Variants in SYNE1 observed in about 807,000 individuals in gnomAD.
SYNE1 encodes nesprin-1.
Under a neutral mutation model 1,111.0 loss-of-function variants are expected in SYNE1, and 616 were observed. The ratio of observed to expected loss-of-function variants is 0.55; its 90% CI spans 0.52 to 0.59. The LOEUF is 0.59. Ranked by LOEUF, SYNE1 falls within the 20% of genes least tolerant of loss-of-function variation. The probability of loss-of-function intolerance (pLI) is 0.00; values close to 1 mark genes in which losing one functional copy is unlikely to be tolerated. For missense variants in SYNE1, 10,006 were observed against 10,417.0 expected, an observed-to-expected ratio of 0.96 and a Z score of 1.72; for synonymous variants, 3,855 against 3,825.8, an observed-to-expected ratio of 1.01 and a Z score of -0.28.
chr6:152,232,095 A>G (rs564557842), intron 113 of SYNE1, 21 bp downstream of exon 113: 2 of 1,541,178 alleles, frequency 1.3e-6, no homozygotes, highest in African/African-American at 2.7e-5. Context: ...TGAAAAGTTA[A>G]AAACAAAAAA....
At chr6:152,218,113 A>G in intron 121 of SYNE1, 144 bp downstream of exon 121, 2 of 935,908 alleles carry the variant, frequency 2.1e-6, no homozygotes, top group South Asian at 1.4e-5. Flanking sequence ...AATCGCTTGA[A>G]CCCGGAAAGC....
At chr6:152,535,477 C>T (rs2099230354) in intron 4 of SYNE1, among the ~76,000 whole-genome samples, 1 of 152,108 alleles carries the variant, frequency 6.6e-6, no homozygotes, top group African/African-American at 2.4e-5. Flanking sequence ...TAAAGGACTG[C>T]TCATTCTATA....
At chr6:152,329,652 C>T (rs2096195738) in intron 78 of SYNE1, 78 bp downstream of exon 78, 2 of 1,594,430 alleles carry the variant, frequency 1.3e-6, no homozygotes, top group South Asian at 2.2e-5. Flanking sequence ...GCAATTATAA[C>T]CAAGCAAACG....
intron 98 of SYNE1, chr6:152,277,882 T>C: frequency 1.5e-6 from 1 of 648,910 alleles, no homozygotes; most frequent in South Asian, 1.7e-5. Context: ...ACAGCTGTTG[T>C]TAGTAGTCCT....
At chr6:152,152,379 AACAC>A (rs2060588478) in intron 133 of SYNE1, among the ~76,000 whole-genome samples, 1 of 152,146 alleles carries the variant, frequency 6.6e-6, no homozygotes, top group African/African-American at 2.4e-5. Context: ...GTAATGAATA[AACAC>A]ACACGCATCC....
Position 152,436,006 on chromosome 6 carries a change from C to A in SYNE1, c.4245G>T (p.Leu1415=). The change falls in exon 33 of 146, where the codon CTG becomes CTT. Residue 1415 remains leucine, a synonymous_variant. Transcript: ENST00000367255. The part of the protein sequence containing the change: ...EIPLGPQNKQ[L]LQQQAKSIKE... ...TGATTGACTTGGCCTGCTGTTGAAG[C>A]AGCTGCTTATTTTGGGGCCCAAGCG... 1 of 1,614,130 alleles carries A rather than the reference C, an allele frequency of 6.2e-7. No individual in the cohort carries two copies. Among genetic ancestry groups the A allele is most frequent in the Non-Finnish European group, 8.5e-7 (1 of 1,180,018 alleles).
chr6:152,346,384 C>T (rs893412508), intron 73 of SYNE1, among the ~76,000 whole-genome samples: 3 of 151,862 alleles, frequency 2.0e-5, no homozygotes, highest in Non-Finnish European at 4.4e-5. Flanking sequence ...CCAGGCTGGT[C>T]TCAAGCTCCT....
intron 40 of SYNE1, among the ~76,000 whole-genome samples, chr6:152,417,361 G>A (rs1443216890): frequency 6.6e-6 from 1 of 152,164 alleles, no homozygotes; most frequent in Non-Finnish European, 1.5e-5. Flanking sequence ...ATCCAGGCGT[G>A]GTGGTGGGCG....
At position 152,526,065 on chromosome 6, in the gene SYNE1, C is replaced by T. The variant is rs747506496; in HGVS notation, c.225+15G>A. 1.9e-6 allele frequency: 3 copies of T among 1,612,128 alleles called. No homozygotes were observed. In the Admixed American group the frequency reaches 5.0e-5, roughly 27 times the overall value. On this transcript the variant is annotated intron_variant, in intron 5 of 145. Coordinates refer to ENST00000367255, the MANE Select transcript of SYNE1 (RefSeq NM_182961.4). ...AAACAATTTGACAAGTATGATCACA[C>T]AAAAAAATTCTTACCAGTTTCTGCC... is the stretch of plus-strand genomic sequence containing the variant.
intron 13 of SYNE1, among the ~76,000 whole-genome samples, chr6:152,483,627 C>T (rs541831511): frequency 1.3e-5 from 2 of 152,208 alleles, no homozygotes; most frequent in Non-Finnish European, 2.9e-5. Context: ...ACACCTGGCA[C>T]ATGTGTATCT....
intron 32 of SYNE1, among the ~76,000 whole-genome samples, chr6:152,438,056 G>A (rs1019805739): frequency 2.2e-4 from 34 of 152,096 alleles, no homozygotes; most frequent in African/African-American, 7.7e-4. Context: ...AGAGAACTAC[G>A]TTGCAATTTA....
rs202081505 is a variant in SYNE1, at chr6:152,425,502, G to A, written c.5146C>T (p.Leu1716Phe). Residue 1716 changes from leucine (L) to phenylalanine (F), a missense_variant, in exon 39 of 146, where the codon CTT becomes TTT. By Grantham distance (22) the Leu-to-Phe change is conservative. Transcript: ENST00000367255. ...AACAATGATTCCTTCAATTGCAAAAGTTTGCTATAGAATGAGGCCTGGGAT... is the reference window on the plus strand; with the variant it reads ...AACAATGATTCCTTCAATTGCAAAAATTTGCTATAGAATGAGGCCTGGGAT... ...VVSQASFYSKLLQLKESLFSV... is the reference protein window; with the variant it reads ...VVSQASFYSKFLQLKESLFSV... 6 of 1,614,144 alleles carry A rather than the reference G, an allele frequency of 3.7e-6. No individual in the cohort carries two copies. In the South Asian group the frequency reaches 6.6e-5, roughly 18 times the overall value.
At chr6:152,205,448 C>G (rs537341277) in intron 126 of SYNE1, among the ~76,000 whole-genome samples, 58 of 152,286 alleles carry the variant, frequency 3.8e-4, no homozygotes, top group African/African-American at 1.1e-3. Context: ...CCCACTCTAC[C>G]GATGAGGAAA....
chr6:152,430,032 G>A (rs1201544154), intron 36 of SYNE1, 80 bp downstream of exon 36: 3 of 985,402 alleles, frequency 3.0e-6, no homozygotes, highest in African/African-American at 3.2e-5. Flanking sequence ...CTCTTAAAAA[G>A]TTTACTGTAT....
At chr6:152,224,749 A>G (rs2153479176) in intron 116 of SYNE1, 85 bp from the exon 117 acceptor site, 1 of 1,358,032 alleles carries the variant, frequency 7.4e-7, no homozygotes, top group East Asian at 2.4e-5. Context: ...AAATATTAAC[A>G]TCTAAGAACT....
chr6:152,300,252 G>T (rs1305243362), intron 93 of SYNE1, among the ~76,000 whole-genome samples: 4 of 152,160 alleles, frequency 2.6e-5, no homozygotes, highest in Admixed American at 6.5e-5. Context: ...GCTGGTAAAT[G>T]CCAGCACTAT....
chr6:152,296,898 T>G, intron 93 of SYNE1, among the ~76,000 whole-genome samples: 1 of 151,346 alleles, frequency 6.6e-6, no homozygotes, highest in Admixed American at 6.6e-5. Flanking sequence ...CCTGGCCTGT[T>G]TCTCTCATTT....
chr6:152,225,403 G>A (rs1172724158), intron 116 of SYNE1, among the ~76,000 whole-genome samples: 1 of 151,788 alleles, frequency 6.6e-6, no homozygotes, highest in East Asian at 1.9e-4. Context: ...GTTTAGCTTG[G>A]TTTGCATCAC....
chr6:152,384,385 A>C (rs557607478), intron 55 of SYNE1, among the ~76,000 whole-genome samples: 2 of 152,322 alleles, frequency 1.3e-5, no homozygotes, highest in Admixed American at 6.5e-5. Context: ...TGGCTGAATA[A>C]ATGGATAGAT....
Sources: allele counts gnomAD v4.1 joint callset (sites outside exome capture counted in the v4.1 genomes callset), GRCh38; gene constraint gnomAD v4.1.1; transcripts MANE v1.5; gene names NCBI Gene and HGNC (gene_info 2026-07-23, HGNC 2026-07-21).